ADAM18: variants seen among roughly 807,000 people sequenced by gnomAD.
ADAM18 encodes disintegrin and metalloproteinase domain-containing protein 18.
ADAM18 carries 117 observed loss-of-function variants against 94.4 expected under a neutral mutation model. The ratio of observed to expected loss-of-function variants is 1.24; its 90% CI spans 1.07 to 1.45. The LOEUF is 1.45. ADAM18 is among the 40% of genes most tolerant of loss of function. The pLI, the probability that ADAM18 is intolerant of heterozygous loss-of-function variation, is 0.00. For missense variants in ADAM18, 936 were observed against 880.0 expected (o/e 1.06, Z -0.81); for synonymous variants, 327 against 291.6 (o/e 1.12, Z -1.24).
rs1820119415 is a variant in ADAM18, at chr8:39,637,619, A to T, written c.743A>T (p.Asp248Val). The change falls in exon 9 of 20, where the codon GAT (aspartate) becomes GTT (valine). Residue 248 changes from aspartate to valine, a missense_variant. By Grantham distance (152) the Asp-to-Val change is radical. Coordinates refer to ENST00000265707, the MANE Select transcript of ADAM18 (RefSeq NM_014237.3). ...SNENQISTSG[D>V]ADDILQRFLA... ...GAAAACCAGATTTCCACCAGTGGGG[A>T]TGCTGATGATATATTACAAAGATTT... is the stretch of plus-strand genomic sequence containing the variant. The T allele has an allele frequency of 6.2e-7, 1 of 1,612,710 alleles. No individual in the cohort carries two copies. The highest frequency in any genetic ancestry group is 1.7e-5 in the Admixed American group (1 of 59,824).
intron 2 of ADAM18, among the ~76,000 whole-genome samples, chr8:39,600,519 T>G (rs1381867048): frequency 6.6e-6 from 1 of 152,240 alleles, no homozygotes. Context: ...GTGGATTGTG[T>G]GGTCTATAAA....
At chr8:39,671,339 A>G (rs1264805443) in intron 14 of ADAM18, among the ~76,000 whole-genome samples, 1 of 152,226 alleles carries the variant, frequency 6.6e-6, no homozygotes, top group African/African-American at 2.4e-5. Context: ...AGTAACTTTA[A>G]GGGTAATGGC....
chr8:39,658,325 C>T (rs1265825115), intron 12 of ADAM18, among the ~76,000 whole-genome samples: 3 of 151,934 alleles, frequency 2.0e-5, no homozygotes, highest in South Asian at 2.1e-4. Flanking sequence ...AAGTTAAAGA[C>T]CTTGTGATGG....
chr8:39,677,156 A>G (rs1821322522), intron 14 of ADAM18, among the ~76,000 whole-genome samples: 1 of 152,210 alleles, frequency 6.6e-6, no homozygotes, highest in Non-Finnish European at 1.5e-5. Context: ...GTCAAGCCCA[A>G]TATTCATTAG....
In ADAM18 at chr8:39,645,440, C is replaced by G; in HGVS notation, c.1012C>G (p.Leu338Val). The G allele has an allele frequency of 6.2e-7, 1 of 1,612,164 alleles. No homozygotes were observed. The highest frequency in any genetic ancestry group is 8.5e-7 in the Non-Finnish European group (1 of 1,179,176). Residue 338 changes from leucine (L) to valine (V), a missense_variant, in exon 11 of 20, where the codon CTG (leucine) becomes GTG (valine). By Grantham distance (32) the Leu-to-Val change is conservative (BLOSUM62 1). Coordinates refer to ENST00000265707, the MANE Select transcript of ADAM18 (RefSeq NM_014237.3). ...TGATGACATCACTCAGTGTTTCTGTCTGAGAGCTACATGCATCATGAATCA... is the reference window on the plus strand; with the variant it reads ...TGATGACATCACTCAGTGTTTCTGTGTGAGAGCTACATGCATCATGAATCA... ...TYDDITQCFC[L>V]RATCIMNHEA... is the part of the protein sequence containing the mutation.
Position 39,599,514 on chromosome 8 carries a change from T to C in ADAM18, c.133-6793T>C, listed in dbSNP as rs535165364. Reference sequence around the variant, plus strand: ...GCTTCCTGTTGTGGAAGGTTAATTATCGATTCAATGTCTTTAATAGATGTA... The same window carrying C: ...GCTTCCTGTTGTGGAAGGTTAATTACCGATTCAATGTCTTTAATAGATGTA... On this transcript the variant is annotated intron_variant, in intron 2 of 19. Coordinates refer to ENST00000265707, the MANE Select transcript of ADAM18 (RefSeq NM_014237.3). 1.4e-4 allele frequency among the ~76,000 whole-genome samples: 22 copies of C among 152,248 alleles called. No individual in the cohort carries two copies. In the East Asian group the frequency reaches 2.3e-3, roughly 16 times the overall value.
chr8:39,646,852 A>G lies in ADAM18; in HGVS notation c.1046+1378A>G, dbSNP rs1040017365. 8.5e-5 allele frequency among the ~76,000 whole-genome samples: 13 copies of G among 152,334 alleles called. No homozygotes were observed. In the East Asian group the frequency reaches 2.5e-3, roughly 29 times the overall value. On this transcript the variant is annotated intron_variant, in intron 11 of 19. Coordinates refer to ENST00000265707, the MANE Select transcript of ADAM18 (RefSeq NM_014237.3). ...AAAAATTAATGAAGCTTATTTTTAC[A>G]TAATGCAAAAGTGCTGTATAGAAAA...
chr8:39,706,488 T>C (rs929827980), intron 17 of ADAM18, among the ~76,000 whole-genome samples: 2 of 152,090 alleles, frequency 1.3e-5, no homozygotes, highest in Non-Finnish European at 2.9e-5. Context: ...ATTTAACCTC[T>C]CTGAATATGA....
intron 2 of ADAM18, among the ~76,000 whole-genome samples, chr8:39,589,464 T>C (rs1309731448): frequency 2.0e-5 from 3 of 152,162 alleles, no homozygotes; most frequent in Middle Eastern, 3.4e-3. Flanking sequence ...GCTATTAATA[T>C]AGAGAATATA....
At chr8:39,669,386 C>CATGTTATATATGTATATATGTTATAT (rs1821088537) in intron 14 of ADAM18, among the ~76,000 whole-genome samples, 1 of 150,456 alleles carries the variant, frequency 6.6e-6, no homozygotes, top group South Asian at 2.1e-4. Context: ...TATATGTATA[C>CATGTTATATATGTATATATGTTATAT]ATGTGCCATG....
At chr8:39,699,673 A>G (rs1585993414) in intron 17 of ADAM18, among the ~76,000 whole-genome samples, 1 of 152,294 alleles carries the variant, frequency 6.6e-6, no homozygotes, top group Non-Finnish European at 1.5e-5. Context: ...GACCACATTT[A>G]TACTGCTGAT....
intron 7 of ADAM18, among the ~76,000 whole-genome samples, chr8:39,635,170 C>A (rs765479735): frequency 2.0e-5 from 3 of 152,206 alleles, no homozygotes; most frequent in African/African-American, 7.2e-5. Flanking sequence ...GACTTCTCCA[C>A]TCCCAGAAAT....
chr8:39,685,161 G>T (rs1821576262), intron 16 of ADAM18: 1 of 152,280 alleles, frequency 6.6e-6, no homozygotes, highest in Non-Finnish European at 1.5e-5. Flanking sequence ...ACAGTTCTCT[G>T]CCTGTGCTGT....
intron 6 of ADAM18, 135 bp downstream of exon 6, chr8:39,610,841 A>C: frequency 1.6e-6 from 2 of 1,284,370 alleles, no homozygotes; most frequent in Non-Finnish European, 2.0e-6. Context: ...TTTAAATAAA[A>C]CATTGAAACT....
chr8:39,644,570 A>C (rs1312484750), intron 10 of ADAM18, among the ~76,000 whole-genome samples: 1 of 152,138 alleles, frequency 6.6e-6, no homozygotes, highest in Non-Finnish European at 1.5e-5. Context: ...TTAGAGGCCT[A>C]AGCCACTGCA....
chr8:39,683,223 T>G (rs549171674), intron 16 of ADAM18, among the ~76,000 whole-genome samples: 13 of 152,316 alleles, frequency 8.5e-5, no homozygotes, highest in African/African-American at 3.1e-4. Flanking sequence ...CTTGAGGAAA[T>G]GAGCATGTTA....
Position 39,606,338 on chromosome 8 carries a change from C to T in ADAM18, c.164C>T (p.Pro55Leu), listed in dbSNP as rs1271748762. Residue 55 changes from proline to leucine, a missense_variant, in exon 3 of 20, where the codon CCT becomes CTT. Physicochemically the swap from Pro to Leu is moderately conservative, Grantham distance 98 (BLOSUM62 -3). Transcript: ENST00000265707. ...MIYIITIDGQPYTLHLGKQSF... is the reference protein window; with the variant it reads ...MIYIITIDGQLYTLHLGKQSF... ...TACATCATTACAATTGATGGACAAC[C>T]TTACACTCTACATCTCGGAAAACAG... 1.9e-6 allele frequency: 3 copies of T among 1,562,080 alleles called. No homozygotes were observed. Among genetic ancestry groups the T allele is most frequent in the African/African-American group, 1.4e-5 (1 of 72,718 alleles).
At chr8:39,671,010 C>T (rs1415110893) in intron 14 of ADAM18, among the ~76,000 whole-genome samples, 1 of 152,180 alleles carries the variant, frequency 6.6e-6, no homozygotes, top group African/African-American at 2.4e-5. Context: ...GATTTGCATC[C>T]CAGTTTGAAT....
At chr8:39,594,793 G>GTTTTTTTTTTTTTTTTT (rs71237182) in intron 2 of ADAM18, among the ~76,000 whole-genome samples, 2 of 46,848 alleles carry the variant, frequency 4.3e-5, no homozygotes, top group Non-Finnish European at 4.0e-5. Context: ...TTTGCTGTGA[G>GTTTTTTTTTTTTTTTTT]TTTTTTTTTT....
Sources: gnomAD v4.1 joint callset for allele counts (sites outside exome capture counted in the v4.1 genomes callset) on GRCh38, gnomAD v4.1.1 for gene constraint, MANE v1.5 for transcripts, NCBI Gene and HGNC (gene_info 2026-07-23, HGNC 2026-07-21) for gene names.